The following SUPT7L variants were observed in gnomAD, a reference collection of about 807,000 sequenced individuals.
SUPT7L encodes the protein SPT7 like, STAGA complex subunit gamma.
SUPT7L carries 15 observed loss-of-function variants against 35.7 expected under a neutral mutation model. The ratio of observed to expected loss-of-function variants is 0.42; its 90% CI spans 0.28 to 0.65. The LOEUF (loss-of-function observed/expected upper bound fraction) is 0.65, where lower values mean the gene tolerates loss of function less well. Ranked by LOEUF, SUPT7L falls within the 30% of genes least tolerant of loss-of-function variation. The pLI is 0.23. For synonymous variants in SUPT7L, 168 were observed against 186.2 expected, an observed-to-expected ratio of 0.90 and a Z score of 0.79; for missense variants, 434 against 522.2, an observed-to-expected ratio of 0.83 and a Z score of 1.65.
chr2:27,660,455 C>G (rs1312313578), intron 3 of SUPT7L, among the ~76,000 whole-genome samples: 1 of 152,118 alleles, frequency 6.6e-6, no homozygotes, highest in Admixed American at 6.5e-5. Context: ...AACTCCTGGC[C>G]TCAAGTGATC....
chr2:27,647,865 G>C, downstream of SUPT7L: 1 of 1,613,180 alleles, frequency 6.2e-7, no homozygotes, highest in Non-Finnish European at 8.5e-7. Context: ...GCACCCTTCT[G>C]ATTTGATCCT....
chr2:27,661,751 A>G, intron 2 of SUPT7L: 1 of 589,920 alleles, frequency 1.7e-6, no homozygotes, highest in Non-Finnish European at 2.5e-6. Flanking sequence ...CCTATTTCCC[A>G]TCTCACTCAC....
rs114487538 is a variant in SUPT7L at position 27,661,182 on chromosome 2, C to T, written c.221G>A (p.Arg74Gln). 772 of 1,614,092 alleles carry T rather than the reference C, an allele frequency of 4.8e-4. 3 individuals are homozygous for T. In the African/African-American group the frequency reaches 9.2e-3, roughly 19 times the overall value. ...TGTGGCAATAAGGTTGCGAAGACGTCGGTTGTGCTGAATCAACTGAATCGT... is the reference window on the plus strand; with the variant it reads ...TGTGGCAATAAGGTTGCGAAGACGTTGGTTGTGCTGAATCAACTGAATCGT... ...IHTIQLIQHN[R>Q]RLRNLIATAQ... The change falls in exon 3 of 6, where the codon CGA becomes CAA. Residue 74 changes from arginine to glutamine, a missense_variant. By Grantham distance (43) the Arg-to-Gln change is conservative (BLOSUM62 1). Around this residue, in one of 3 missense-constraint regions of SUPT7L, gnomAD observed 77 missense variants for 114.4 expected, o/e 0.67. Coordinates refer to ENST00000337768, the MANE Select transcript of SUPT7L (RefSeq NM_014860.3).
At chr2:27,648,411 T>TG (rs1674349531), downstream of SUPT7L, among the ~76,000 whole-genome samples, 1 of 151,964 alleles carries the variant, frequency 6.6e-6, no homozygotes, top group South Asian at 2.1e-4. Context: ...TCAAGCTGTT[T>TG]GGGAGGCTGA....
chr2:27,653,751 G>A lies in SUPT7L; in HGVS notation c.983-4C>T, dbSNP rs755257087. The A allele has an allele frequency of 1.2e-6, 2 of 1,614,182 alleles. No individual in the cohort carries two copies. Among genetic ancestry groups the A allele is most frequent in the South Asian group, 2.2e-5 (2 of 91,082 alleles). On this transcript the variant is annotated splice_polypyrimidine_tract_variant and splice_region_variant and intron_variant, in intron 5 of 5. Coordinates refer to ENST00000337768, the MANE Select transcript of SUPT7L (RefSeq NM_014860.3). ...GGAGAAGCATTTACCTCTGCACCTA[G>A]AAACAGAGGAAAGATGGACATACAC...
rs1674638518 is a variant in SUPT7L at position 27,653,246 on chromosome 2, T to A, written c.*239A>T. The A allele has an allele frequency of 5.6e-6, 3 of 535,228 alleles. No homozygotes were observed. The highest frequency in any genetic ancestry group is 1.0e-5 in the Non-Finnish European group (3 of 301,358). The allele number at this position is 535,228 out of a possible 1,614,324, so 33.2% of individuals were successfully genotyped here. ...ATTGGGGACAGTGCTTTGGTCTGATTGCCATGCCAGCATCATATTTTATCT... is the reference window on the plus strand; with the variant it reads ...ATTGGGGACAGTGCTTTGGTCTGATAGCCATGCCAGCATCATATTTTATCT... On this transcript the variant is annotated 3_prime_UTR_variant, in exon 6 of 6. Coordinates refer to ENST00000337768, the MANE Select transcript of SUPT7L (RefSeq NM_014860.3).
the SUPT7L span, among the ~76,000 whole-genome samples, chr2:27,643,203 T>C: frequency 6.6e-6 from 1 of 151,152 alleles, no homozygotes; most frequent in Non-Finnish European, 1.5e-5. This position sits in a 1 kb window ranked among gnomAD's most constrained non-coding sequence, Gnocchi z 4.0. Context: ...AAAAATTTTT[T>C]TTTTTTTACA....
chr2:27,649,702 G>C (rs1363568156), downstream of SUPT7L, among the ~76,000 whole-genome samples: 6 of 152,162 alleles, frequency 3.9e-5, no homozygotes, highest in Admixed American at 3.9e-4. Flanking sequence ...GTATCAGTAT[G>C]TTCTTTTTTA....
At chr2:27,659,612 A>G (rs1185522303) in intron 3 of SUPT7L, among the ~76,000 whole-genome samples, 3 of 152,222 alleles carry the variant, frequency 2.0e-5, no homozygotes, top group Non-Finnish European at 4.4e-5. Flanking sequence ...AAGAATGTGA[A>G]TATGAACTTA....
Position 27,657,570 on chromosome 2 carries a change from ACAGT to A in SUPT7L, c.515_518del (p.Asp172ValfsTer10). On this transcript the variant is annotated frameshift_variant, in exon 4 of 6. Coordinates refer to ENST00000337768, the MANE Select transcript of SUPT7L (RefSeq NM_014860.3). LOFTEE classifies it high-confidence loss of function. The surrounding 1 kb of genome is among the most constrained non-coding windows in gnomAD (Gnocchi z 5.2). ...GGGTCTCCAGGACACTCTCATTAGC[ACAGT>A]CAAAGCCCGCGTGGGCCAGGATTGT... The A allele has an allele frequency of 6.2e-7, 1 of 1,614,228 alleles. No homozygotes were observed. The highest frequency in any genetic ancestry group is 8.5e-7 in the Non-Finnish European group (1 of 1,180,032).
In SUPT7L at chr2:27,651,138, C is replaced by T. The variant is rs184864557; in HGVS notation, c.*2347G>A. The T allele has an allele frequency of 1.3e-3, 195 of 152,454 alleles. 2 individuals are homozygous for T. Among genetic ancestry groups the T allele is most frequent in the African/African-American group, 4.5e-3 (186 of 41,558 alleles). The allele number at this position is 152,454 out of a possible 1,614,324, so 9.4% of individuals were successfully genotyped here. Reference sequence around the variant, plus strand: ...CATAACAGCCCTTATAAACGTTTGCCCTGCCTCCACATTTTACAGTATCTT... The same window carrying T: ...CATAACAGCCCTTATAAACGTTTGCTCTGCCTCCACATTTTACAGTATCTT... On this transcript the variant is annotated 3_prime_UTR_variant, in exon 6 of 6. Transcript: ENST00000337768.
chr2:27,653,699 AT>A lies in SUPT7L; in HGVS notation c.1030del (p.Met344TrpfsTer29). On this transcript the variant is annotated frameshift_variant, in exon 6 of 6. Coordinates refer to ENST00000337768, the MANE Select transcript of SUPT7L (RefSeq NM_014860.3). LOFTEE classifies it high-confidence loss of function. Reference sequence around the variant, plus strand: ...GCCTTCTTCACTTTCTTGAGGCTCCATTTTCACATGGGCCAGATTCCAAAGA... The same window carrying A: ...GCCTTCTTCACTTTCTTGAGGCTCCATTTCACATGGGCCAGATTCCAAAGA... ...SPLWNLAHVK[M>X]EPQESEEGNV... is the part of the protein sequence containing the mutation. 6.2e-7 allele frequency: 1 copy of A among 1,614,146 alleles called. No homozygotes were observed. The highest frequency in any genetic ancestry group is 8.5e-7 in the Non-Finnish European group (1 of 1,180,028).
At position 27,661,705 on chromosome 2, in the gene SUPT7L, A is replaced by G; in HGVS notation, c.15-317T>C. The G allele has an allele frequency of 2.0e-6, 2 of 1,009,768 alleles. 1 individual carries two copies. The highest frequency in any genetic ancestry group is 4.0e-5 in the South Asian group (2 of 49,970). The allele number at this position is 1,009,768 out of a possible 1,614,324, so 62.6% of individuals were successfully genotyped here. On this transcript the variant is annotated intron_variant, in intron 2 of 5. Coordinates refer to ENST00000337768, the MANE Select transcript of SUPT7L (RefSeq NM_014860.3). ...AGGGTAGAATTTGGGTCATTAGTGG[A>G]CCAATAGCTACAACAGCATCTGGAG...
In SUPT7L at chr2:27,651,357, T is replaced by C. The variant is rs556448450; in HGVS notation, c.*2128A>G. The C allele has an allele frequency of 2.6e-5, 4 of 152,454 alleles. No homozygotes were observed. Among genetic ancestry groups the C allele is most frequent in the African/African-American group, 4.8e-5 (2 of 41,596 alleles). 9.4% of individuals were successfully genotyped at this position (152,454 alleles called of 1,614,324 possible). On this transcript the variant is annotated 3_prime_UTR_variant, in exon 6 of 6. Transcript: ENST00000337768. Reference sequence around the variant, plus strand: ...TAGAAAGCCCTCCATGTGATTCTGATGCATAGTAGCCTATGACATAATTCC... The same window carrying C: ...TAGAAAGCCCTCCATGTGATTCTGACGCATAGTAGCCTATGACATAATTCC...
chr2:27,654,708 G>C (rs1488274684), intron 5 of SUPT7L, among the ~76,000 whole-genome samples: 8 of 151,950 alleles, frequency 5.3e-5, no homozygotes, highest in Non-Finnish European at 1.2e-4. Context: ...CTGGGACTAC[G>C]GGTGCCCACC....
At chr2:27,648,466 CT>C (rs1366685079), downstream of SUPT7L, among the ~76,000 whole-genome samples, 3 of 152,180 alleles carry the variant, frequency 2.0e-5, no homozygotes, top group African/African-American at 7.2e-5. Context: ...CTATTATGAG[CT>C]ATGACTGTGC....
Position 27,653,307 on chromosome 2 carries a change from CTG to C in SUPT7L, c.*176_*177del. 1.2e-6 allele frequency: 1 copy of C among 852,854 alleles called. No individual in the cohort carries two copies. The highest frequency in any genetic ancestry group is 1.8e-6 in the Non-Finnish European group (1 of 569,730). 52.8% of individuals were successfully genotyped at this position (852,854 alleles called of 1,614,324 possible). On this transcript the variant is annotated 3_prime_UTR_variant, in exon 6 of 6. Coordinates refer to ENST00000337768, the MANE Select transcript of SUPT7L (RefSeq NM_014860.3). ...GCTTGGTTGTGGAAAACTATAAAAA[CTG>C]GATGCAAAAGTAAAATGCAACCTTG...
chr2:27,662,950 C>CTTTTTTTTT (rs11315948), intron 1 of SUPT7L, among the ~76,000 whole-genome samples: 1 of 102,504 alleles, frequency 9.8e-6, no homozygotes. Context: ...TGGATTTTTT[C>CTTTTTTTTT]TTTTTTTTTT....
rs182360229 is a variant in SUPT7L at position 27,654,788 on chromosome 2, G to A, written c.982+577C>T. Among the ~76,000 whole-genome samples, 842 of 152,172 alleles carry A rather than the reference G, an allele frequency of 5.5e-3. 15 individuals carry two copies. The highest frequency in any genetic ancestry group is 0.019 in the African/African-American group (795 of 41,504). On this transcript the variant is annotated intron_variant, in intron 5 of 5. Coordinates refer to ENST00000337768, the MANE Select transcript of SUPT7L (RefSeq NM_014860.3). Reference sequence around the variant, plus strand: ...TCACTGTGTTAGCCAGGATGTTCTCGATCTCCTGACCTCGTGATTCGCCCG... The same window carrying A: ...TCACTGTGTTAGCCAGGATGTTCTCAATCTCCTGACCTCGTGATTCGCCCG...
Sources: gnomAD v4.1 joint callset for allele counts (sites outside exome capture counted in the v4.1 genomes callset) on GRCh38, gnomAD v4.1.1 for gene constraint, gnomAD v4.1.1 regional missense constraint, Gnocchi (gnomAD v3.1) non-coding constraint, MANE v1.5 for transcripts, NCBI Gene and HGNC (gene_info 2026-07-23, HGNC 2026-07-21) for gene names.